Variants in SORL1 observed in about 807,000 individuals in gnomAD.
SORL1 encodes the protein sortilin-related receptor.
In SORL1, 127 loss-of-function variants were observed where a neutral mutation model predicts 273.7. The ratio of observed to expected loss-of-function variants is 0.46; its 90% CI spans 0.40 to 0.54. SORL1 has a LOEUF of 0.54. SORL1 is among the 20% of genes least tolerant of loss of function. SORL1 has a pLI of 0.00. For synonymous variants in SORL1, 1,031 were observed against 1,067.4 expected (o/e 0.97, Z 0.66); for missense variants, 2,494 against 2,846.1 (o/e 0.88, Z 2.81).
At chr11:121,597,885 G>A (rs189579953) in intron 32 of SORL1, among the ~76,000 whole-genome samples, 178 of 152,322 alleles carry the variant, frequency 1.2e-3, no homozygotes, top group African/African-American at 4.2e-3. Context: ...TTCCTGGAGA[G>A]GTGGGGACAG....
At chr11:121,605,074 A>G (rs1166822812) in intron 33 of SORL1, 39 bp from the exon 34 acceptor site, 7 of 1,579,518 alleles carry the variant, frequency 4.4e-6, no homozygotes, top group Non-Finnish European at 3.4e-6. Context: ...CCCAGCCAAG[A>G]TGTAACTTTG....
intron 6 of SORL1, 90 bp downstream of exon 6, chr11:121,497,139 C>A: frequency 1.8e-6 from 2 of 1,089,438 alleles, no homozygotes; most frequent in Non-Finnish European, 2.7e-6. Context: ...TTTGCATACA[C>A]AGGAATTGGA....
At chr11:121,458,732 G>A (rs529994048) in intron 1 of SORL1, among the ~76,000 whole-genome samples, 1 of 152,270 alleles carries the variant, frequency 6.6e-6, no homozygotes, top group East Asian at 1.9e-4. Context: ...TGGCATGGGC[G>A]GCCTTCAAGC....
In SORL1 at chr11:121,558,838, GT is replaced by G; in HGVS notation, c.2910+2del. ...CCCCTATGCCATTGCTGTCTTTAAG[GT>G]GAGTCCATTTGTTGCTGCCGGACAG... On this transcript the variant is annotated splice_donor_variant, in intron 20 of 47. Coordinates refer to ENST00000260197, the MANE Select transcript of SORL1 (RefSeq NM_003105.6). LOFTEE classifies it high-confidence loss of function. The G allele has an allele frequency of 6.2e-7, 1 of 1,614,120 alleles. No individual in the cohort carries two copies. The highest frequency in any genetic ancestry group is 8.5e-7 in the Non-Finnish European group (1 of 1,180,004).
At chr11:121,553,629 G>T (rs1225006212) in intron 16 of SORL1, among the ~76,000 whole-genome samples, 1 of 152,222 alleles carries the variant, frequency 6.6e-6, no homozygotes, top group Non-Finnish European at 1.5e-5. Context: ...TTGAAGACTG[G>T]CAGGCTTAGC....
rs980753655 is a variant in SORL1 at position 121,486,770 on chromosome 11, C to T, written c.529-1262C>T. ...CTGGGATTACAGCCGCGAGCCACTG[C>T]GCCCGGCGGTGAGACTCTGTTTCTA... On this transcript the variant is annotated intron_variant, in intron 3 of 47. Transcript: ENST00000260197. Among the ~76,000 whole-genome samples the T allele has an allele frequency of 5.9e-5, 9 of 152,084 alleles. No individual in the cohort carries two copies. In the East Asian group the frequency reaches 1.5e-3, roughly 26 times the overall value.
chr11:121,541,449 A>T (rs915425740), intron 12 of SORL1, among the ~76,000 whole-genome samples: 4 of 152,128 alleles, frequency 2.6e-5, no homozygotes, highest in Non-Finnish European at 5.9e-5. Flanking sequence ...GCCTCAAAAG[A>T]TCCTTCTGCC....
Position 121,629,861 on chromosome 11 carries a change from A to C in SORL1, c.*298A>C, listed in dbSNP as rs1361693572. On this transcript the variant is annotated 3_prime_UTR_variant, in exon 48 of 48. Transcript: ENST00000260197. Reference sequence around the variant, plus strand: ...TACGTCTGTGAGATAATTTCGGTTCAGTAAATTGGCCAATCTTTTTATTTT... The same window carrying C: ...TACGTCTGTGAGATAATTTCGGTTCCGTAAATTGGCCAATCTTTTTATTTT... 1.7e-5 allele frequency: 6 copies of C among 353,454 alleles called. No individual in the cohort carries two copies. 21.9% of individuals were successfully genotyped at this position (353,454 alleles called of 1,614,324 possible). A position where few individuals can be genotyped will look rare whatever the true frequency, so the allele number is the denominator to read the frequency against.
intron 45 of SORL1, among the ~76,000 whole-genome samples, chr11:121,623,510 A>G (rs1350945559): frequency 6.6e-6 from 1 of 152,246 alleles, no homozygotes; most frequent in Non-Finnish European, 1.5e-5. Flanking sequence ...GCCGAACAGA[A>G]GAGGATGGGT....
intron 27 of SORL1, among the ~76,000 whole-genome samples, chr11:121,587,690 G>T (rs1012520033): frequency 1.3e-5 from 2 of 152,156 alleles, no homozygotes; most frequent in Non-Finnish European, 2.9e-5. Flanking sequence ...GAGATTGGGG[G>T]TTTGATGCCA....
rs577751837 is a variant in SORL1, at chr11:121,596,764, G to A, written c.4519+992G>A. On this transcript the variant is annotated intron_variant, in intron 32 of 47. Transcript: ENST00000260197. This position sits in a 1 kb window ranked among gnomAD's most constrained non-coding sequence, Gnocchi z 4.3. ...ACTCTCTGCTGAGAGCCTCCCTGCC[G>A]CCAAGCCCTAACCCTAAGCAGCAAA... is the stretch of plus-strand genomic sequence containing the variant. 1.3e-4 allele frequency among the ~76,000 whole-genome samples: 19 copies of A among 151,978 alleles called. No homozygotes were observed. The highest frequency in any genetic ancestry group is 3.9e-4 in the African/African-American group (16 of 41,382).
chr11:121,595,913 C>A lies in SORL1; in HGVS notation c.4519+141C>A. The A allele has an allele frequency of 1.1e-6, 1 of 889,702 alleles. No homozygotes were observed. Among genetic ancestry groups the A allele is most frequent in the Non-Finnish European group, 1.6e-6 (1 of 610,208 alleles). The allele number at this position is 889,702 out of a possible 1,614,324, so 55.1% of individuals were successfully genotyped here. On this transcript the variant is annotated intron_variant, in intron 32 of 47. Coordinates refer to ENST00000260197, the MANE Select transcript of SORL1 (RefSeq NM_003105.6). The surrounding 1 kb of genome is among the most constrained non-coding windows in gnomAD (Gnocchi z 5.1). ...CGTAACCATGCTCTTACTGCATTCT[C>A]CACAAGCGCTTTGCCACGTGCACCC...
intron 5 of SORL1, among the ~76,000 whole-genome samples, chr11:121,492,357 T>C (rs995378786): frequency 3.3e-5 from 5 of 152,030 alleles, no homozygotes; most frequent in Non-Finnish European, 7.4e-5. Flanking sequence ...CAAGACACTG[T>C]CTCAATAAAT....
chr11:121,492,088 C>G (rs571568685), intron 5 of SORL1, among the ~76,000 whole-genome samples: 2 of 152,128 alleles, frequency 1.3e-5, no homozygotes, highest in Non-Finnish European at 2.9e-5. Flanking sequence ...TGGCCAAGTG[C>G]GGTGGCTCAT....
chr11:121,559,755 A>G, intron 21 of SORL1, 98 bp downstream of exon 21: 1 of 1,094,450 alleles, frequency 9.1e-7, no homozygotes, highest in Admixed American at 2.4e-5. Flanking sequence ...GGCAGCCTGC[A>G]TCTTTGTTGT....
Position 121,513,098 on chromosome 11 carries a change from T to C in SORL1, c.1035T>C (p.Pro345=). 12 of 1,607,968 alleles carry C rather than the reference T, an allele frequency of 7.5e-6. No homozygotes were observed. The highest frequency in any genetic ancestry group is 1.0e-5 in the Non-Finnish European group (12 of 1,174,342). ...CAGCCCAGTTTGTCACAAGACATCC[T>C]ATTAATGTGAGTGGGGTCTGCTTGA... The part of the protein sequence containing the change: ...MRAAQFVTRH[P]INEYYIADAS... The change falls in exon 7 of 48, where the codon CCT becomes CCC. Residue 345 remains proline (P), a synonymous_variant. Coordinates refer to ENST00000260197, the MANE Select transcript of SORL1 (RefSeq NM_003105.6).
In SORL1 at chr11:121,512,985, T is replaced by TC. The variant is rs1160211143; in HGVS notation, c.940-17dup. The TC allele has an allele frequency of 6.3e-7, 1 of 1,590,644 alleles. No homozygotes were observed. The highest frequency in any genetic ancestry group is 2.2e-5 in the East Asian group (1 of 44,776). On this transcript the variant is annotated splice_polypyrimidine_tract_variant and intron_variant, in intron 6 of 47. Transcript: ENST00000260197. Reference sequence around the variant, plus strand: ...TAATGTGGCACCATTAATTTTTTTTTCTCCTCTTCCTTGGCAGCATCTCTT... The same window carrying TC: ...TAATGTGGCACCATTAATTTTTTTTTCCTCCTCTTCCTTGGCAGCATCTCTT...
chr11:121,478,084 C>G (rs778067286), intron 2 of SORL1, 34 bp from the exon 3 acceptor site: 4 of 1,507,180 alleles, frequency 2.7e-6, no homozygotes, highest in Non-Finnish European at 3.6e-6. Flanking sequence ...CTCACCAACT[C>G]TTTCTTTTTC....
intron 2 of SORL1, among the ~76,000 whole-genome samples, chr11:121,472,421 A>T (rs1464023541): frequency 6.6e-6 from 1 of 152,250 alleles, no homozygotes; most frequent in East Asian, 1.9e-4. Context: ...AGAGACTTGC[A>T]TGAGGTCACT....
Sources: allele counts gnomAD v4.1 joint callset (sites outside exome capture counted in the v4.1 genomes callset), GRCh38; gene constraint gnomAD v4.1.1; non-coding constraint Gnocchi (gnomAD v3.1); transcripts MANE v1.5; gene names NCBI Gene and HGNC (gene_info 2026-07-23, HGNC 2026-07-21).